Variants in XRCC6 observed in about 807,000 individuals in gnomAD.
XRCC6 encodes X-ray repair cross complementing 6, also known as DNA repair protein Ku70.
A neutral mutation model predicts 65.7 loss-of-function variants in XRCC6; 5 were observed. The ratio of observed to expected loss-of-function variants is 0.08; its 90% CI spans 0.04 to 0.16. The LOEUF (loss-of-function observed/expected upper bound fraction) is 0.16, where lower values mean the gene tolerates loss of function less well. Among genes scored for constraint, XRCC6 ranks in the 10% least tolerant of loss-of-function variants. The pLI, the probability that XRCC6 is intolerant of heterozygous loss-of-function variation, is 1.00. For missense variants in XRCC6, 447 were observed against 738.1 expected, an observed-to-expected ratio of 0.61 and a Z score of 4.57; for synonymous variants, 270 against 270.6, an observed-to-expected ratio of 1.00 and a Z score of 0.02.
chr22:41,649,139 A>AAATATATAT lies in XRCC6; in HGVS notation c.961-1583_961-1582insATATATATA. ...GGGAAGAGAGTACAAAAAAAAAAAA[A>AAATATATAT]ATATATATATATATATATATATATG... is the stretch of plus-strand genomic sequence containing the variant. On this transcript the variant is annotated intron_variant, in intron 7 of 12. Transcript: ENST00000360079. 6.8e-5 allele frequency among the ~76,000 whole-genome samples: 6 copies of AAATATATAT among 88,728 alleles called. No individual in the cohort carries two copies. The South Asian group carries it at 1.3e-3, about 19-fold the overall frequency. 58.2% of individuals were successfully genotyped at this position (88,728 alleles called of 152,430 possible). A position where few individuals can be genotyped will look rare whatever the true frequency, so the allele number is the denominator to read the frequency against.
intron 6 of XRCC6, among the ~76,000 whole-genome samples, chr22:41,640,859 G>A (rs1311544174): frequency 6.6e-6 from 1 of 152,128 alleles, no homozygotes; most frequent in Admixed American, 6.6e-5. Flanking sequence ...GTAAATGTAG[G>A]CCTTGTTGTC....
chr22:41,644,392 G>A (rs1392609792), intron 6 of XRCC6, among the ~76,000 whole-genome samples: 1 of 152,090 alleles, frequency 6.6e-6, no homozygotes, highest in Non-Finnish European at 1.5e-5. Context: ...AGAAGAATGT[G>A]TATCATGGGT....
At chr22:41,635,176 C>T (rs1246766993) in intron 3 of XRCC6, among the ~76,000 whole-genome samples, 1 of 152,204 alleles carries the variant, frequency 6.6e-6, no homozygotes, top group Non-Finnish European at 1.5e-5. Context: ...TACTTTAAGT[C>T]ATCTATAGGT....
At chr22:41,658,083 C>G (rs1359249809) in intron 10 of XRCC6, among the ~76,000 whole-genome samples, 169 bp from the exon 11 acceptor site, 1 of 152,136 alleles carries the variant, frequency 6.6e-6, no homozygotes, top group East Asian at 1.9e-4. Flanking sequence ...CTTGGCCTAC[C>G]AAAGTGCTGG....
At chr22:41,641,824 C>T (rs1402246399) in intron 6 of XRCC6, among the ~76,000 whole-genome samples, 1 of 152,010 alleles carries the variant, frequency 6.6e-6, no homozygotes, top group Non-Finnish European at 1.5e-5. Context: ...CTGAGTCTTG[C>T]TCTTGTTGCC....
At chr22:41,661,488 C>A in intron 12 of XRCC6, 44 bp downstream of exon 12, 1 of 1,550,162 alleles carries the variant, frequency 6.5e-7, no homozygotes, top group Non-Finnish European at 8.9e-7. Flanking sequence ...TTAAAAATTG[C>A]TTTTATGATA....
chr22:41,640,907 C>T (rs1238358916), intron 6 of XRCC6, among the ~76,000 whole-genome samples: 2 of 152,000 alleles, frequency 1.3e-5, no homozygotes, highest in African/African-American at 4.8e-5. Context: ...CTTTGCTATG[C>T]GACCTGACTT....
chr22:41,658,635 G>A (rs1378008010), intron 11 of XRCC6, among the ~76,000 whole-genome samples: 3 of 152,178 alleles, frequency 2.0e-5, no homozygotes, highest in East Asian at 1.9e-4. Flanking sequence ...AATATAAGAG[G>A]CTGGGCACGG....
At chr22:41,629,712 C>T (rs907915354) in intron 3 of XRCC6, among the ~76,000 whole-genome samples, 4 of 151,898 alleles carry the variant, frequency 2.6e-5, no homozygotes, top group East Asian at 1.9e-4. Flanking sequence ...CTCTGTCACC[C>T]GGGCTGTAGT....
At chr22:41,656,791 A>C (rs45502098) in intron 9 of XRCC6, 112 bp from the exon 10 acceptor site, 25,379 of 1,443,962 alleles carry the variant, frequency 0.018, 677 homozygotes, top group African/African-American at 0.096. Flanking sequence ...AATGGGGCCT[A>C]CGGGGCCCCA....
intron 6 of XRCC6, among the ~76,000 whole-genome samples, chr22:41,640,351 G>A (rs548196072): frequency 1.1e-4 from 16 of 151,984 alleles, no homozygotes; most frequent in African/African-American, 3.9e-4. Flanking sequence ...GGGTTTCACC[G>A]TGTTAGCTAG....
At position 41,655,547 on chromosome 22, in the gene XRCC6, AC is replaced by A. The variant is rs1198471264; in HGVS notation, c.1292-1355del. Among the ~76,000 whole-genome samples, 8 of 152,128 alleles carry A rather than the reference AC, an allele frequency of 5.3e-5. No individual in the cohort carries two copies. The South Asian group carries it at 1.0e-3, about 20-fold the overall frequency. ...CGGTGAAACCGTCTCTACTAAAAAT[AC>A]AAAATTAGCCAGGTGTGGTGGCAGG... On this transcript the variant is annotated intron_variant, in intron 9 of 12. Coordinates refer to ENST00000360079, the MANE Select transcript of XRCC6 (RefSeq NM_001469.5).
At chr22:41,650,953 T>G in intron 8 of XRCC6, 62 bp downstream of exon 8, 1 of 1,587,176 alleles carries the variant, frequency 6.3e-7, no homozygotes, top group Non-Finnish European at 8.6e-7. Flanking sequence ...GGAGCAGCGC[T>G]TTGTAAATGG....
chr22:41,643,641 C>T (rs1184189399), intron 6 of XRCC6, among the ~76,000 whole-genome samples: 3 of 151,168 alleles, frequency 2.0e-5, no homozygotes, highest in Admixed American at 6.6e-5. Flanking sequence ...GCCAACATGG[C>T]GAAGCACCGT....
rs771869902 is a variant in XRCC6, at chr22:41,661,398, C to T, written c.1590C>T (p.Tyr530=). Residue 530 remains tyrosine (Y), a synonymous_variant, in exon 12 of 13, where the codon TAC becomes TAT. Coordinates refer to ENST00000360079, the MANE Select transcript of XRCC6 (RefSeq NM_001469.5). ...SLVDEFKELV[Y]PPDYNPEGKV... The stretch of plus-strand genomic sequence containing the variant: ...TGGATGAGTTTAAGGAGCTTGTTTA[C>T]CCACCAGATTACAATCCTGAAGGGA... 1.9e-6 allele frequency: 3 copies of T among 1,614,066 alleles called. No individual in the cohort carries two copies. The highest frequency in any genetic ancestry group is 2.5e-6 in the Non-Finnish European group (3 of 1,179,990).
chr22:41,651,165 G>T (rs1601551040), intron 8 of XRCC6, among the ~76,000 whole-genome samples: 1 of 152,142 alleles, frequency 6.6e-6, no homozygotes, highest in East Asian at 1.9e-4. Context: ...AGGCCTGGTG[G>T]CTTGCGCCTG....
intron 7 of XRCC6, among the ~76,000 whole-genome samples, chr22:41,650,232 G>C (rs1372790404): frequency 1.3e-5 from 2 of 151,736 alleles, no homozygotes; most frequent in Non-Finnish European, 2.9e-5. Context: ...AGCCTCCCAA[G>C]TAGCTGGGAC....
chr22:41,659,684 A>ACATT (rs1317740562), intron 11 of XRCC6, among the ~76,000 whole-genome samples: 6 of 151,936 alleles, frequency 3.9e-5, no homozygotes, highest in South Asian at 4.1e-4. Flanking sequence ...GGACCTCAGT[A>ACATT]CATTCATTCA....
intron 3 of XRCC6, among the ~76,000 whole-genome samples, chr22:41,634,186 ATTT>A (rs757276375): frequency 3.6e-5 from 5 of 140,408 alleles, no homozygotes; most frequent in Non-Finnish European, 3.1e-5. Context: ...CCAAAACTTA[ATTT>A]TTTTTTTTTT....
Sources: allele counts gnomAD v4.1 joint callset (sites outside exome capture counted in the v4.1 genomes callset), GRCh38; gene constraint gnomAD v4.1.1; transcripts MANE v1.5; gene names NCBI Gene and HGNC (gene_info 2026-07-23, HGNC 2026-07-21).